The following MUC5B variants were observed in gnomAD, a reference collection of about 807,000 sequenced individuals.
MUC5B encodes the protein mucin-5B.
Under a neutral mutation model 376.9 loss-of-function variants are expected in MUC5B, and 116 were observed. That is an observed-to-expected ratio of 0.31 (90% confidence interval 0.26 to 0.36). The LOEUF is 0.36. Among genes scored for constraint, MUC5B ranks in the 10% least tolerant of loss-of-function variants. MUC5B has a pLI of 1.00. For missense variants in MUC5B, 7,165 were observed against 7,769.9 expected, an observed-to-expected ratio of 0.92 and a Z score of 2.93; for synonymous variants, 3,517 against 3,390.9, an observed-to-expected ratio of 1.04 and a Z score of -1.29.
chr11:1,258,413 G>A lies in MUC5B; in HGVS notation c.16593+46G>A, dbSNP rs1312501472. On this transcript the variant is annotated intron_variant, in intron 43 of 48. Transcript: ENST00000529681. This position sits in a 1 kb window ranked among gnomAD's most constrained non-coding sequence, Gnocchi z 5.5. ...GGGTGTGGCCCTGGGGCCTGAACAT[G>A]TGTGTGGGATGCCCCGGGGCTCTCT... 2 of 1,604,864 alleles carry A rather than the reference G, an allele frequency of 1.2e-6. No homozygotes were observed. Among genetic ancestry groups the A allele is most frequent in the African/African-American group, 1.3e-5 (1 of 74,878 alleles).
At chr11:1,240,119 G>A (rs1554936421) in intron 29 of MUC5B, 31 bp downstream of exon 29, 4 of 1,563,846 alleles carry the variant, frequency 2.6e-6, no homozygotes, top group South Asian at 1.2e-5. Flanking sequence ...TAGTGGGCCG[G>A]TGAAGGCTGG....
chr11:1,232,934 C>T (rs55746645), intron 17 of MUC5B, 79 bp from the exon 18 acceptor site: 41 of 1,474,868 alleles, frequency 2.8e-5, no homozygotes, highest in Admixed American at 4.5e-5. Flanking sequence ...ACGTCACAGA[C>T]GGGGATGCTG....
At chr11:1,256,374 T>A in intron 38 of MUC5B, 149 bp downstream of exon 38, 1 of 612,778 alleles carries the variant, frequency 1.6e-6, no homozygotes, top group South Asian at 1.9e-5. Context: ...CATCCCCTGC[T>A]GCTCCCAGAT....
At position 1,254,313 on chromosome 11, in the gene MUC5B, C is replaced by T. The variant is rs1464094614; in HGVS notation, c.15439C>T (p.Leu5147Phe). 6.2e-7 allele frequency: 1 copy of T among 1,607,324 alleles called. No individual in the cohort carries two copies. Among genetic ancestry groups the T allele is most frequent in the Non-Finnish European group, 8.5e-7 (1 of 1,179,826 alleles). ...SIHYKSMDIV[L>F]TVTMVHGKEE... ...CCACTACAAGTCCATGGATATCGTCCTCACTGTCACCATGGTGCATGGGAA... is the reference window on the plus strand; with the variant it reads ...CCACTACAAGTCCATGGATATCGTCTTCACTGTCACCATGGTGCATGGGAA... Residue 5147 changes from leucine (L) to phenylalanine (F), a missense_variant, in exon 34 of 49, where the codon CTC becomes TTC. Leu to Phe is a conservative substitution (Grantham distance 22). Coordinates refer to ENST00000529681, the MANE Select transcript of MUC5B (RefSeq NM_002458.3).
At chr11:1,236,683 G>A (rs1862164694) in intron 24 of MUC5B, 121 bp downstream of exon 24, 2 of 1,187,610 alleles carry the variant, frequency 1.7e-6, no homozygotes, top group Non-Finnish European at 2.3e-6. Flanking sequence ...GGCTGGTGAG[G>A]GCCCTGCCTG....
At chr11:1,252,591 C>T in intron 32 of MUC5B, 67 bp downstream of exon 32, 2 of 1,443,268 alleles carry the variant, frequency 1.4e-6, no homozygotes, top group South Asian at 1.4e-5. Context: ...GGAGGCACAG[C>T]CACAGTCCAG....
rs774232025 is a variant in MUC5B, at chr11:1,246,999, T to C, written c.10119T>C (p.Ser3373=). 1.7e-5 allele frequency: 26 copies of C among 1,557,708 alleles called. No homozygotes were observed. In the South Asian group the frequency reaches 3.0e-4, roughly 18 times the overall value. The stretch of plus-strand genomic sequence containing the variant: ...CCACCACAACTGTGGCCACTGGTTC[T>C]ATGGCAACACCCTCCTCTAGCACAC... ...TTTTTTVATG[S]MATPSSSTQT... is the part of the protein sequence containing the mutation. Residue 3373 remains serine, a synonymous_variant, in exon 31 of 49, where the codon TCT becomes TCC. Coordinates refer to ENST00000529681, the MANE Select transcript of MUC5B (RefSeq NM_002458.3).
intron 38 of MUC5B, 144 bp downstream of exon 38, chr11:1,256,369 C>CCTG (rs1005709055): frequency 3.2e-6 from 2 of 615,510 alleles, no homozygotes; most frequent in African/African-American, 3.7e-5. Context: ...GAAAACATCC[C>CCTG]CTGCTGCTCC....
rs578245471 is a variant in MUC5B at position 1,256,030 on chromosome 11, G to A, written c.16067-126G>A. On this transcript the variant is annotated intron_variant, in intron 37 of 48. Transcript: ENST00000529681. ...CTCGGCCTCTCTGAGTGTCCTGTGC[G>A]GTGAGTGGGGGCGGCCCCGGGCCCC... The A allele has an allele frequency of 7.4e-4, 418 of 561,526 alleles. 2 individuals carry two copies. In the East Asian group the frequency reaches 0.011, roughly 14 times the overall value. The allele number at this position is 561,526 out of a possible 1,614,324, so 34.8% of individuals were successfully genotyped here. A position where few individuals can be genotyped will look rare whatever the true frequency, so the allele number is the denominator to read the frequency against.
At chr11:1,236,255 C>A in intron 23 of MUC5B, 131 bp from the exon 24 acceptor site, 2 of 847,232 alleles carry the variant, frequency 2.4e-6, no homozygotes, top group Non-Finnish European at 3.5e-6. Flanking sequence ...ACCCAGCTCA[C>A]CCCTAACGCC....
chr11:1,223,906 C>A (rs56315019), intron 1 of MUC5B, among the ~76,000 whole-genome samples: 2,083 of 152,330 alleles, frequency 0.014, 23 homozygotes, highest in Non-Finnish European at 0.019. Flanking sequence ...TGCAGCCCCT[C>A]CCTGCCCCGC....
At position 1,250,358 on chromosome 11, in the gene MUC5B, C is replaced by G; in HGVS notation, c.13478C>G (p.Ser4493Cys). Residue 4493 changes from serine to cysteine, a missense_variant, in exon 31 of 49, where the codon TCC becomes TGC. Transcript: ENST00000529681. ...TTATTPTVTS[S>C]KATPSSSPGT... ...GCCACGACACCCACAGTCACCAGCT[C>G]CAAAGCCACTCCCTCCTCCAGTCCA... 1 of 1,613,510 alleles carries G rather than the reference C, an allele frequency of 6.2e-7. No individual in the cohort carries two copies. The highest frequency in any genetic ancestry group is 8.5e-7 in the Non-Finnish European group (1 of 1,179,710).
chr11:1,256,477 C>T (rs1474810093), intron 38 of MUC5B, 194 bp from the exon 39 acceptor site: 13 of 513,286 alleles, frequency 2.5e-5, no homozygotes, highest in South Asian at 9.4e-5. Flanking sequence ...CACCCATCCC[C>T]GCCCATACTT....
At chr11:1,231,030 G>A (rs757637514) in intron 13 of MUC5B, 25 bp downstream of exon 13, 7 of 1,561,530 alleles carry the variant, frequency 4.5e-6, no homozygotes, top group South Asian at 2.3e-5. Flanking sequence ...CAGGACGGCC[G>A]GGCTGGGTGG....
intron 1 of MUC5B, 45 bp downstream of exon 1, chr11:1,223,238 C>T (rs764104075): frequency 4.3e-6 from 3 of 705,158 alleles, no homozygotes; most frequent in Non-Finnish European, 5.2e-6. Flanking sequence ...GTCTTCACGG[C>T]GGGGGTCTCT....
At position 1,242,718 on chromosome 11, in the gene MUC5B, C is replaced by T. The variant is rs1214016364; in HGVS notation, c.5838C>T (p.Pro1946=). ...PKVLTTTATT[P]TVTSSKATPS... is the part of the protein sequence containing the mutation. ...TGCTGACCACCACGGCCACCACACC[C>T]ACAGTCACCAGCTCCAAAGCCACTC... Residue 1946 remains proline, a synonymous_variant, in exon 31 of 49, where the codon CCC becomes CCT. Transcript: ENST00000529681. 1 of 1,613,066 alleles carries T rather than the reference C, an allele frequency of 6.2e-7. No individual in the cohort carries two copies. Among genetic ancestry groups the T allele is most frequent in the Non-Finnish European group, 8.5e-7 (1 of 1,179,502 alleles).
chr11:1,251,819 C>G (rs55649457), intron 31 of MUC5B, 76 bp downstream of exon 31: 39,700 of 1,077,200 alleles, frequency 0.037, 1,017 homozygotes, highest in African/African-American at 0.097. Context: ...GTCCTGGGAG[C>G]CAGTGGCTTT....
intron 44 of MUC5B, 132 bp downstream of exon 44, chr11:1,259,193 G>A (rs1177445413): frequency 5.4e-6 from 5 of 925,250 alleles, no homozygotes; most frequent in East Asian, 2.7e-5. Flanking sequence ...CCTGCCCCCA[G>A]GTGAGTCCCT....
At chr11:1,252,606 C>T (rs1044762596) in intron 32 of MUC5B, 82 bp downstream of exon 32, 39 of 1,414,838 alleles carry the variant, frequency 2.8e-5, no homozygotes, top group Middle Eastern at 2.6e-4. Context: ...GTCCAGCTCC[C>T]GAGGCCCGTC....
Sources: gnomAD v4.1 joint callset for allele counts (sites outside exome capture counted in the v4.1 genomes callset) on GRCh38, gnomAD v4.1.1 for gene constraint, Gnocchi (gnomAD v3.1) non-coding constraint, MANE v1.5 for transcripts, NCBI Gene and HGNC (gene_info 2026-07-23, HGNC 2026-07-21) for gene names.